Variants in PKD1 observed in about 807,000 individuals in gnomAD.
PKD1 encodes polycystin-1.
In PKD1, 81 loss-of-function variants were observed where a neutral mutation model predicts 361.7. That is an observed-to-expected ratio of 0.22 (90% CI 0.19 to 0.27). PKD1 has a LOEUF of 0.27. PKD1 is among the 10% of genes least tolerant of loss of function. The probability of loss-of-function intolerance (pLI) is 1.00; values close to 1 mark genes in which losing one functional copy is unlikely to be tolerated. For synonymous variants in PKD1, 3,615 were observed against 2,818.3 expected, an observed-to-expected ratio of 1.28 and a Z score of -8.95; for missense variants, 6,399 against 6,118.3, an observed-to-expected ratio of 1.05 and a Z score of -1.53.
rs1397894333 is a variant in PKD1 at position 2,091,567 on chromosome 16, G to C, written c.11568C>G (p.Arg3856=). 1.9e-6 allele frequency: 3 copies of C among 1,545,878 alleles called. No individual in the cohort carries two copies. Among genetic ancestry groups the C allele is most frequent in the Admixed American group, 2.0e-5 (1 of 51,098 alleles). The change falls in exon 42 of 46, where the codon CGC becomes CGG. Residue 3856 remains arginine, a synonymous_variant. Coordinates refer to ENST00000262304, the MANE Select transcript of PKD1 (RefSeq NM_001009944.3). ...RSRAVFLELT[R]YSPAVGLHAA... is the part of the protein sequence containing the mutation. ...CGTGCAGCCCCACGGCCGGGCTGTA[G>C]CGCGTGAGCTCCAGGAACACAGCGC...
intron 1 of PKD1, among the ~76,000 whole-genome samples, chr16:2,129,125 T>C (rs1340209794): frequency 6.6e-6 from 1 of 151,240 alleles, no homozygotes; most frequent in African/African-American, 2.4e-5. Context: ...CCTCCCAAAG[T>C]GCTGAGATTA....
intron 1 of PKD1, 151 bp from the exon 2 acceptor site, chr16:2,119,529 T>G (rs958436151): frequency 1.6e-5 from 11 of 699,362 alleles, no homozygotes; most frequent in Non-Finnish European, 2.6e-5. Flanking sequence ...GACTTTCTGA[T>G]GGAAGACCCA....
In PKD1 at chr16:2,089,441, C is replaced by T. The variant is rs1044675322; in HGVS notation, c.*286G>A. On this transcript the variant is annotated 3_prime_UTR_variant, in exon 46 of 46. Coordinates refer to ENST00000262304, the MANE Select transcript of PKD1 (RefSeq NM_001009944.3). ...CCAGGGGGTGGGGCCGGGCACAGCC[C>T]GCTGTACCTGAGGACTCGGGGAAAT... is the stretch of plus-strand genomic sequence containing the variant. The T allele has an allele frequency of 4.1e-5, 21 of 508,646 alleles. No individual in the cohort carries two copies. The highest frequency in any genetic ancestry group is 3.1e-4 in the African/African-American group (16 of 51,844). The allele number at this position is 508,646 out of a possible 1,614,324, so 31.5% of individuals were successfully genotyped here.
In PKD1 at chr16:2,114,849, G is replaced by A; in HGVS notation, c.2174C>T (p.Ala725Val). ...GGGAGCCGGCGAGCAGTGCAGGAGG[G>A]CGCCAGGGCCAGCGTCGTGCTGCAA... ...VGLQHDAGPG[A>V]LLHCSPAPGH... Residue 725 changes from alanine to valine, a missense_variant, in exon 11 of 46, where the codon GCC becomes GTC. Physicochemically the swap from Ala to Val is moderately conservative, Grantham distance 64. Transcript: ENST00000262304. The A allele has an allele frequency of 1.4e-6, 2 of 1,475,514 alleles. No homozygotes were observed. Among genetic ancestry groups the A allele is most frequent in the Non-Finnish European group, 1.8e-6 (2 of 1,094,142 alleles). The allele number at this position is 1,475,514 out of a possible 1,614,324, so 91.4% of individuals were successfully genotyped here.
chr16:2,108,071 C>A, intron 15 of PKD1, 39 bp from the exon 16 acceptor site: 1 of 1,586,892 alleles, frequency 6.3e-7, no homozygotes, highest in Non-Finnish European at 8.6e-7. Flanking sequence ...GCCTGAGAGC[C>A]CCATCCAGTT....
At position 2,103,724 on chromosome 16, in the gene PKD1, C is replaced by T; in HGVS notation, c.8333G>A (p.Gly2778Asp). 1.9e-6 allele frequency: 3 copies of T among 1,610,016 alleles called. No homozygotes were observed. Among genetic ancestry groups the T allele is most frequent in the Non-Finnish European group, 2.5e-6 (3 of 1,179,588 alleles). Reference sequence around the variant, plus strand: ...CTTGCCCTGGGCCACGATCTCCTCGCCCGCCAGCGTCAGGGGCTCCTCGTT... The same window carrying T: ...CTTGCCCTGGGCCACGATCTCCTCGTCCGCCAGCGTCAGGGGCTCCTCGTT... ...VLNEEPLTLA[G>D]EEIVAQGKRS... The change falls in exon 23 of 46, where the codon GGC (glycine) becomes GAC (aspartate). Residue 2778 changes from glycine (G) to aspartate (D), a missense_variant. Physicochemically the swap from Gly to Asp is moderately conservative, Grantham distance 94 (BLOSUM62 -1). Transcript: ENST00000262304.
chr16:2,105,763 G>C, intron 20 of PKD1, 102 bp downstream of exon 20: 2 of 1,387,576 alleles, frequency 1.4e-6, no homozygotes, highest in Non-Finnish European at 2.0e-6. Context: ...TTTATCTCTG[G>C]GGCCCGGGAT....
rs749609098 is a variant in PKD1 at position 2,110,885 on chromosome 16, C to T, written c.4282G>A (p.Gly1428Ser). 9.9e-6 allele frequency: 16 copies of T among 1,611,590 alleles called. No individual in the cohort carries two copies. Among genetic ancestry groups the T allele is most frequent in the Non-Finnish European group, 1.3e-5 (15 of 1,179,852 alleles). The change falls in exon 15 of 46, where the codon GGC becomes AGC. Residue 1428 changes from glycine to serine, a missense_variant. Transcript: ENST00000262304. ...TEEAAPTRAR[G>S]PEVTFIYRDP... ...CGGTAGATGAACGTCACCTCAGGGCCCCTGGCACGGGTGGGGGCGGCTTCC... is the reference window on the plus strand; with the variant it reads ...CGGTAGATGAACGTCACCTCAGGGCTCCTGGCACGGGTGGGGGCGGCTTCC...
chr16:2,103,906 G>A lies in PKD1; in HGVS notation c.8162-11C>T, dbSNP rs1447526148. ...GGTGGATGAGGTCTCCTGCAGACAT[G>A]CGTGAGGTCAGTGCAGAGACAGGGA... On this transcript the variant is annotated splice_polypyrimidine_tract_variant and intron_variant, in intron 22 of 45. Transcript: ENST00000262304. 8.9e-6 allele frequency: 14 copies of A among 1,566,632 alleles called. No individual in the cohort carries two copies. Among genetic ancestry groups the A allele is most frequent in the East Asian group, 2.3e-5 (1 of 42,978 alleles).
intron 1 of PKD1, among the ~76,000 whole-genome samples, chr16:2,125,456 C>A (rs376500388): frequency 1.3e-5 from 2 of 152,346 alleles, no homozygotes; most frequent in East Asian, 3.9e-4. Flanking sequence ...CCTTACAGAT[C>A]CCTCCCACGG....
rs1397385522 is a variant in PKD1 at position 2,112,328 on chromosome 16, C to T, written c.3295+12G>A. 7 of 1,585,286 alleles carry T rather than the reference C, an allele frequency of 4.4e-6. No homozygotes were observed. Among genetic ancestry groups the T allele is most frequent in the Non-Finnish European group, 5.1e-6 (6 of 1,173,148 alleles). On this transcript the variant is annotated intron_variant, in intron 14 of 45. Coordinates refer to ENST00000262304, the MANE Select transcript of PKD1 (RefSeq NM_001009944.3). ...TGAAAGGCAGTGGCCCCCTCACCCC[C>T]TCATCCCTCACCTGGGGCAGCGTAG...
chr16:2,116,730 C>T (rs555928759), intron 7 of PKD1, 86 bp from the exon 8 acceptor site: 301 of 1,154,034 alleles, frequency 2.6e-4, no homozygotes, highest in Middle Eastern at 2.4e-3. Flanking sequence ...GCCCGAAAAC[C>T]CCCCCACCAG....
At position 2,109,708 on chromosome 16, in the gene PKD1, C is replaced by T. The variant is rs2092450967; in HGVS notation, c.5459G>A (p.Gly1820Glu). The change falls in exon 15 of 46, where the codon GGG becomes GAG. Residue 1820 changes from glycine to glutamate, a missense_variant. By Grantham distance (98) the Gly-to-Glu change is moderately conservative (BLOSUM62 -2). Transcript: ENST00000262304. ...SEPGGSFVAAGSSVPFWGQLA... is the reference protein window; with the variant it reads ...SEPGGSFVAAESSVPFWGQLA... ...CTGCCCCCAAAAGGGCACAGAGGAC[C>T]CGGCCGCCACGAAGCTGCCTCCGGG... The T allele has an allele frequency of 6.3e-7, 1 of 1,598,714 alleles. No homozygotes were observed. Among genetic ancestry groups the T allele is most frequent in the Non-Finnish European group, 8.5e-7 (1 of 1,174,290 alleles).
chr16:2,088,880 C>G lies in PKD1; in HGVS notation c.*847G>C, dbSNP rs562044040. ...TACAGCACACTCGCGCGTGCGCGCG[C>G]GCACACACACACACACACAGTCACC... is the stretch of plus-strand genomic sequence containing the variant. On this transcript the variant is annotated 3_prime_UTR_variant, in exon 46 of 46. Transcript: ENST00000262304. The G allele has an allele frequency of 2.1e-6, 1 of 474,018 alleles. No homozygotes were observed. Among genetic ancestry groups the G allele is most frequent in the Non-Finnish European group, 3.8e-6 (1 of 266,542 alleles). 29.4% of individuals were successfully genotyped at this position (474,018 alleles called of 1,614,324 possible).
In PKD1 at chr16:2,088,881, G is replaced by GCGCACACACA. The variant is rs142285430; in HGVS notation, c.*845_*846insTGTGTGTGCG. The GCGCACACACA allele has an allele frequency of 8.5e-4, 359 of 421,454 alleles. No homozygotes were observed. The highest frequency in any genetic ancestry group is 4.7e-3 in the African/African-American group (211 of 44,676). 26.1% of individuals were successfully genotyped at this position (421,454 alleles called of 1,614,324 possible). On this transcript the variant is annotated 3_prime_UTR_variant, in exon 46 of 46. Coordinates refer to ENST00000262304, the MANE Select transcript of PKD1 (RefSeq NM_001009944.3). ...ACAGCACACTCGCGCGTGCGCGCGCGCACACACACACACACACAGTCACCT... is the reference window on the plus strand; with the variant it reads ...ACAGCACACTCGCGCGTGCGCGCGCGCGCACACACACACACACACACACACACAGTCACCT...
rs756729989 is a variant in PKD1, at chr16:2,108,692, C to A, written c.6475G>T (p.Val2159Leu). ...PEVDVVLPLQ[V>L]LMRRSQRNYL... Reference sequence around the variant, plus strand: ...TTGCGCTGTGATCGCCGCATCAGCACCTGCAGGGGCAGGACCACGTCCACC... The same window carrying A: ...TTGCGCTGTGATCGCCGCATCAGCAACTGCAGGGGCAGGACCACGTCCACC... Residue 2159 changes from valine to leucine, a missense_variant, in exon 15 of 46, where the codon GTG becomes TTG. By Grantham distance (32) the Val-to-Leu change is conservative (BLOSUM62 1). Transcript: ENST00000262304. 21 of 1,569,714 alleles carry A rather than the reference C, an allele frequency of 1.3e-5. 1 individual carries two copies. The East Asian group carries it at 4.7e-4, about 35-fold the overall frequency.
chr16:2,110,527 C>T lies in PKD1; in HGVS notation c.4640G>A (p.Arg1547His), dbSNP rs771904569. The change falls in exon 15 of 46, where the codon CGC becomes CAC. Residue 1547 changes from arginine to histidine, a missense_variant. Physicochemically the swap from Arg to His is conservative, Grantham distance 29. Coordinates refer to ENST00000262304, the MANE Select transcript of PKD1 (RefSeq NM_001009944.3). ...EAWLNVTVKR[R>H]VRGLVVNASR... is the part of the protein sequence containing the mutation. ...TGCATTGACGACGAGCCCCCGCACG[C>T]GCCGCTTCACCGTCACATTGAGCCA... 1.9e-5 allele frequency: 31 copies of T among 1,611,542 alleles called. No homozygotes were observed. The highest frequency in any genetic ancestry group is 5.5e-5 in the South Asian group (5 of 91,044).
rs779480301 is a variant in PKD1 at position 2,114,689 on chromosome 16, G to T, written c.2334C>A (p.Leu778=). ...TGGGCCTCAAGCCCAGCAGCACGGT[G>T]AGCTGTTCCGTGGCTGCAAGCAGCC... ...ALRLLAATEQ[L]TVLLGLRPNP... Residue 778 remains leucine (L), a synonymous_variant, in exon 11 of 46, where the codon CTC becomes CTA. Coordinates refer to ENST00000262304, the MANE Select transcript of PKD1 (RefSeq NM_001009944.3). 3.9e-6 allele frequency: 6 copies of T among 1,538,182 alleles called. No individual in the cohort carries two copies. The African/African-American group carries it at 5.5e-5, about 14-fold the overall frequency.
Position 2,091,163 on chromosome 16 carries a change from C to A in PKD1, c.11724G>T (p.Leu3908=). ...CCACGGCGAAGTGCACGGCGAACAG[C>A]AGCAGGCACACCTGTGGGGGGCGCG... is the stretch of plus-strand genomic sequence containing the variant. ...SLPLLTSVCL[L]LFAVHFAVAE... The change falls in exon 43 of 46, where the codon CTG becomes CTT. Residue 3908 remains leucine (L), a synonymous_variant. Coordinates refer to ENST00000262304, the MANE Select transcript of PKD1 (RefSeq NM_001009944.3). 1 of 1,425,712 alleles carries A rather than the reference C, an allele frequency of 7.0e-7. No individual in the cohort carries two copies. Among genetic ancestry groups the A allele is most frequent in the South Asian group, 1.3e-5 (1 of 75,698 alleles). The allele number at this position is 1,425,712 out of a possible 1,614,324, so 88.3% of individuals were successfully genotyped here. A position where few individuals can be genotyped will look rare whatever the true frequency, so the allele number is the denominator to read the frequency against.
Sources: allele counts gnomAD v4.1 joint callset (sites outside exome capture counted in the v4.1 genomes callset), GRCh38; gene constraint gnomAD v4.1.1; transcripts MANE v1.5; gene names NCBI Gene and HGNC (gene_info 2026-07-23, HGNC 2026-07-21).